The following TBC1D5 variants were observed in gnomAD, a reference collection of about 807,000 sequenced individuals.
The protein encoded by TBC1D5 is TBC1 domain family member 5.
Under a neutral mutation model 100.3 loss-of-function variants are expected in TBC1D5, and 75 were observed. The ratio of observed to expected loss-of-function variants is 0.75; its 90% CI spans 0.62 to 0.91. TBC1D5 has a LOEUF of 0.91. Ranked by LOEUF, TBC1D5 falls within the 40% of genes least tolerant of loss-of-function variation. The pLI is 0.00. For missense variants in TBC1D5, 910 were observed against 942.4 expected (o/e 0.97, Z 0.45); for synonymous variants, 323 against 325.6 (o/e 0.99, Z 0.09).
intron 17 of TBC1D5, among the ~76,000 whole-genome samples, chr3:17,230,569 T>C (rs571825718): frequency 3.9e-5 from 6 of 152,262 alleles, no homozygotes; most frequent in African/African-American, 1.4e-4. Flanking sequence ...ATATCAACAG[T>C]GGTTACCTGG....
rs2094387049 is a variant in TBC1D5, at chr3:17,428,484, T to C, written c.133A>G (p.Thr45Ala). 2.0e-6 allele frequency: 3 copies of C among 1,511,596 alleles called. No homozygotes were observed. Among genetic ancestry groups the C allele is most frequent in the Non-Finnish European group, 2.7e-6 (3 of 1,129,124 alleles). 93.6% of individuals were successfully genotyped at this position (1,511,596 alleles called of 1,614,324 possible). The change falls in exon 4 of 22, where the codon ACT becomes GCT. Residue 45 changes from threonine (T) to alanine (A), a missense_variant. Coordinates refer to ENST00000253692, the Ensembl canonical transcript of TBC1D5. Reference sequence around the variant, plus strand: ...TTAAAAGTCCCTTCAGAGTCTAAAGTAGAACTTGTTCTTCTTCCATTTTTA... The same window carrying C: ...TTAAAAGTCCCTTCAGAGTCTAAAGCAGAACTTGTTCTTCTTCCATTTTTA...
chr3:17,516,156 A>G (rs1476286298), intron 2 of TBC1D5, among the ~76,000 whole-genome samples: 2 of 152,318 alleles, frequency 1.3e-5, no homozygotes, highest in Admixed American at 6.5e-5. Flanking sequence ...AATCCTGTAC[A>G]TAATTCCAAC....
intron 3 of TBC1D5, among the ~76,000 whole-genome samples, chr3:17,490,394 T>C (rs552821057): frequency 6.6e-6 from 1 of 152,334 alleles, no homozygotes; most frequent in South Asian, 2.1e-4. Flanking sequence ...GGGGATTTCA[T>C]CATAAAATCT....
chr3:17,166,622 C>A, intron 21 of TBC1D5, 145 bp downstream of exon 22: 3 of 1,070,524 alleles, frequency 2.8e-6, no homozygotes, highest in Non-Finnish European at 3.9e-6. Flanking sequence ...GCACAGCCTG[C>A]ACAGCTGTAC....
chr3:17,700,745 G>C (rs1353956248), intron 1 of TBC1D5, among the ~76,000 whole-genome samples: 1 of 152,114 alleles, frequency 6.6e-6, no homozygotes, highest in Admixed American at 6.5e-5. Context: ...ATCATCACTG[G>C]CCATCAGAGA....
intron 13 of TBC1D5, among the ~76,000 whole-genome samples, chr3:17,358,416 C>T (rs987030189): frequency 3.9e-5 from 6 of 152,060 alleles, no homozygotes; most frequent in Admixed American, 3.9e-4. Flanking sequence ...GAACTCCCGA[C>T]CTCAGGTGAT....
intron 1 of TBC1D5, among the ~76,000 whole-genome samples, chr3:17,694,344 C>T (rs2071660991): frequency 1.3e-5 from 2 of 152,110 alleles, no homozygotes; most frequent in African/African-American, 4.8e-5. Context: ...AGCTAAAAAC[C>T]TTGAAAAAAT....
At chr3:17,325,769 C>T (rs1278746990) in intron 13 of TBC1D5, among the ~76,000 whole-genome samples, 1 of 152,102 alleles carries the variant, frequency 6.6e-6, no homozygotes. Flanking sequence ...GGAATGACTA[C>T]AAAGGAGCAT....
At chr3:17,354,575 T>C (rs1322833988) in intron 13 of TBC1D5, among the ~76,000 whole-genome samples, 3 of 152,130 alleles carry the variant, frequency 2.0e-5, no homozygotes, top group Admixed American at 6.6e-5. Context: ...ATTATAAAGA[T>C]GCCTGGGCAG....
At chr3:17,419,127 C>T (rs2094150273) in intron 4 of TBC1D5, among the ~76,000 whole-genome samples, 1 of 152,164 alleles carries the variant, frequency 6.6e-6, no homozygotes, top group Non-Finnish European at 1.5e-5. Flanking sequence ...TACAAAGACT[C>T]TCTGAAGGGC....
At chr3:17,674,585 T>C (rs1217500840) in intron 1 of TBC1D5, among the ~76,000 whole-genome samples, 5 of 152,154 alleles carry the variant, frequency 3.3e-5, no homozygotes, top group African/African-American at 9.6e-5. Context: ...GGCATAAATT[T>C]GAAACTATGA....
chr3:17,455,500 ATATGTG>A (rs199504192), intron 3 of TBC1D5, among the ~76,000 whole-genome samples: 7,360 of 138,748 alleles, frequency 0.053, 361 homozygotes, highest in African/African-American at 0.14. Context: ...GTGTATATAT[ATATGTG>A]TGTGTGTATA....
chr3:17,377,534 C>A (rs947782040), intron 9 of TBC1D5, among the ~76,000 whole-genome samples: 2 of 151,888 alleles, frequency 1.3e-5, no homozygotes, highest in Admixed American at 6.6e-5. Flanking sequence ...TGCTTAGTAA[C>A]TAGGGATGCT....
At chr3:17,388,520 C>T (rs1179295542) in intron 8 of TBC1D5, among the ~76,000 whole-genome samples, 2 of 151,802 alleles carry the variant, frequency 1.3e-5, no homozygotes, top group African/African-American at 4.8e-5. Flanking sequence ...GTAAATACTG[C>T]AATGTGTATC....
intron 1 of TBC1D5, among the ~76,000 whole-genome samples, chr3:17,696,769 C>T (rs115512854): frequency 0.011 from 1,691 of 152,294 alleles, 25 homozygotes; most frequent in African/African-American, 0.038. Context: ...CCAACATCTT[C>T]CCGATACCAA....
chr3:17,397,275 A>G (rs1207109366), intron 8 of TBC1D5, among the ~76,000 whole-genome samples: 1 of 152,186 alleles, frequency 6.6e-6, no homozygotes, highest in African/African-American at 2.4e-5. Flanking sequence ...ATCAAATTAT[A>G]AGACTTAAAA....
chr3:17,656,795 T>C (rs111986505), intron 1 of TBC1D5, among the ~76,000 whole-genome samples: 2,088 of 150,996 alleles, frequency 0.014, 46 homozygotes, highest in African/African-American at 0.048. Flanking sequence ...AATGATGAAC[T>C]AGATATTTTA....
intron 1 of TBC1D5, among the ~76,000 whole-genome samples, chr3:17,693,638 A>C (rs1449052868): frequency 6.6e-6 from 1 of 152,180 alleles, no homozygotes; most frequent in Non-Finnish European, 1.5e-5. Context: ...GCTAGACTCC[A>C]CCTCCGTACA....
chr3:17,278,422 C>T (rs1395635220), intron 15 of TBC1D5, among the ~76,000 whole-genome samples: 1 of 152,170 alleles, frequency 6.6e-6, no homozygotes, highest in Admixed American at 6.5e-5. Context: ...CATATGCATC[C>T]ACTACTTGTA....
Sources: gnomAD v4.1 joint callset for allele counts (sites outside exome capture counted in the v4.1 genomes callset) on GRCh38, gnomAD v4.1.1 for gene constraint, MANE v1.5 for transcripts, NCBI Gene and HGNC (gene_info 2026-07-23, HGNC 2026-07-21) for gene names.